SAP30BP: variants seen among roughly 807,000 people sequenced by gnomAD.
The protein encoded by SAP30BP is SAP30-binding protein.
In SAP30BP, 31 loss-of-function variants were observed where a neutral mutation model predicts 46.3. The observed-to-expected ratio is 0.67, with a 90% CI of 0.50 to 0.90. The LOEUF (loss-of-function observed/expected upper bound fraction) is 0.90. Among genes scored for constraint, SAP30BP ranks in the 40% least tolerant of loss-of-function variants. SAP30BP has a pLI of 0.00. For missense variants in SAP30BP, 312 were observed against 391.0 expected (o/e 0.80, Z 1.70); for synonymous variants, 169 against 144.2 (o/e 1.17, Z -1.23).
chr17:75,690,212 G>T (rs2060221728), intron 3 of SAP30BP, among the ~76,000 whole-genome samples: 1 of 152,088 alleles, frequency 6.6e-6, no homozygotes, highest in African/African-American at 2.4e-5. Flanking sequence ...TGGGTGCTTG[G>T]TCCATTTTTC....
At chr17:75,682,961 C>CAAA (rs770262344) in intron 3 of SAP30BP, among the ~76,000 whole-genome samples, 1 of 64,110 alleles carries the variant, frequency 1.6e-5, no homozygotes, top group Non-Finnish European at 3.1e-5. Flanking sequence ...GACTTCGTCT[C>CAAA]AAAAAAAAAA....
chr17:75,686,280 G>A (rs1319119572), intron 3 of SAP30BP, among the ~76,000 whole-genome samples: 1 of 152,040 alleles, frequency 6.6e-6, no homozygotes, highest in African/African-American at 2.4e-5. Flanking sequence ...CACTTTGGGA[G>A]GCTGAGGCAG....
At chr17:75,691,422 C>G (rs1172441768) in intron 3 of SAP30BP, 2 of 456,604 alleles carry the variant, frequency 4.4e-6, no homozygotes, top group African/African-American at 4.0e-5. Flanking sequence ...TCAGCTGAGC[C>G]TGGCAGCACA....
At chr17:75,689,722 AC>A (rs1296971505) in intron 3 of SAP30BP, among the ~76,000 whole-genome samples, 2 of 152,030 alleles carry the variant, frequency 1.3e-5, no homozygotes, top group East Asian at 3.8e-4. Flanking sequence ...GCATTTCAAA[AC>A]GCTGCTGGCG....
chr17:75,675,505 G>C (rs1227658844), intron 3 of SAP30BP, among the ~76,000 whole-genome samples: 1 of 152,000 alleles, frequency 6.6e-6, no homozygotes, highest in Non-Finnish European at 1.5e-5. Context: ...AAAACATTTA[G>C]GTTTCTTTAC....
At chr17:75,671,548 G>A (rs1278826496) in intron 2 of SAP30BP, among the ~76,000 whole-genome samples, 1 of 152,142 alleles carries the variant, frequency 6.6e-6, no homozygotes, top group Non-Finnish European at 1.5e-5. Context: ...TTGAACTCGG[G>A]CATCTTCATT....
At chr17:75,676,427 CAAT>C (rs1301529321) in intron 3 of SAP30BP, among the ~76,000 whole-genome samples, 1 of 152,206 alleles carries the variant, frequency 6.6e-6, no homozygotes, top group Non-Finnish European at 1.5e-5. Context: ...AGCAAGCCCA[CAAT>C]AAGGAGCAAT....
intron 3 of SAP30BP, among the ~76,000 whole-genome samples, chr17:75,685,537 A>G (rs1408660371): frequency 6.6e-6 from 1 of 152,114 alleles, no homozygotes; most frequent in Non-Finnish European, 1.5e-5. Flanking sequence ...GACTGCGAGT[A>G]TATTTGCCTG....
intron 4 of SAP30BP, among the ~76,000 whole-genome samples, chr17:75,694,865 CT>C (rs1386577283): frequency 6.6e-6 from 1 of 152,236 alleles, no homozygotes. Flanking sequence ...CAACTTGTCA[CT>C]TTTTCTCCCT....
At chr17:75,686,135 C>T (rs2060152689) in intron 3 of SAP30BP, among the ~76,000 whole-genome samples, 1 of 152,176 alleles carries the variant, frequency 6.6e-6, no homozygotes, top group African/African-American at 2.4e-5. Flanking sequence ...CTTCCTCCTC[C>T]CTACCTTGTC....
Position 75,682,326 on chromosome 17 carries a change from A to G in SAP30BP, c.264+10463A>G, listed in dbSNP as rs1391574911. On this transcript the variant is annotated intron_variant, in intron 3 of 10. Transcript: ENST00000584667. ...CAGCCTCTCGAGTAGCTGGGATTAC[A>G]GGTGTGCACCACCACACCCGGCTAA... Among the ~76,000 whole-genome samples the G allele has an allele frequency of 2.0e-5, 3 of 151,882 alleles. No individual in the cohort carries two copies. In the East Asian group the frequency reaches 5.8e-4, roughly 30 times the overall value.
At chr17:75,681,970 G>A (rs1351774822) in intron 3 of SAP30BP, among the ~76,000 whole-genome samples, 2 of 152,030 alleles carry the variant, frequency 1.3e-5, no homozygotes, top group Non-Finnish European at 2.9e-5. Context: ...GGCGAGCCCT[G>A]ACAACTGAGA....
intron 3 of SAP30BP, among the ~76,000 whole-genome samples, chr17:75,690,081 A>G (rs776259474): frequency 2.6e-5 from 4 of 152,218 alleles, no homozygotes; most frequent in Non-Finnish European, 4.4e-5. Flanking sequence ...TAATATATCC[A>G]TGTAACAGAC....
At position 75,667,352 on chromosome 17, in the gene SAP30BP, C is replaced by T; in HGVS notation, c.-21C>T. 1 of 1,612,034 alleles carries T rather than the reference C, an allele frequency of 6.2e-7. No individual in the cohort carries two copies. The highest frequency in any genetic ancestry group is 1.1e-5 in the South Asian group (1 of 90,998). ...CGTCTTGAGTCATAGGAGTGAGCCA[C>T]GCCCGGGCTGTGGGAATAAGATGGC... On this transcript the variant is annotated 5_prime_UTR_variant, in exon 1 of 11. The change creates a new upstream start codon in the 5' untranslated region. Coordinates refer to ENST00000584667, the MANE Select transcript of SAP30BP (RefSeq NM_013260.8).
chr17:75,694,447 C>T (rs2060285107), intron 4 of SAP30BP, among the ~76,000 whole-genome samples: 1 of 152,232 alleles, frequency 6.6e-6, no homozygotes, highest in Admixed American at 6.5e-5. Flanking sequence ...AGACCCTCAG[C>T]AGGAGGGCCT....
intron 4 of SAP30BP, among the ~76,000 whole-genome samples, chr17:75,699,470 G>T (rs2060372833): frequency 6.6e-6 from 1 of 151,326 alleles, no homozygotes; most frequent in Admixed American, 6.6e-5. Context: ...GGGAGTATAG[G>T]CGTGAGCCAC....
intron 3 of SAP30BP, among the ~76,000 whole-genome samples, chr17:75,673,283 C>T (rs2059933941): frequency 6.6e-6 from 1 of 152,174 alleles, no homozygotes; most frequent in African/African-American, 2.4e-5. Context: ...AGTGAAAAAC[C>T]TGGAACCCAG....
chr17:75,699,902 A>T, intron 5 of SAP30BP, 31 bp downstream of exon 5: 1 of 1,465,494 alleles, frequency 6.8e-7, no homozygotes, highest in Non-Finnish European at 9.6e-7. Context: ...CTGAGGTCGG[A>T]TAGATTAGAT....
chr17:75,676,460 G>A (rs2059991829), intron 3 of SAP30BP, among the ~76,000 whole-genome samples: 1 of 152,202 alleles, frequency 6.6e-6, no homozygotes, highest in African/African-American at 2.4e-5. Context: ...AAGATAATGT[G>A]TTTCTAATAA....
Sources: allele counts gnomAD v4.1 joint callset (sites outside exome capture counted in the v4.1 genomes callset), GRCh38; gene constraint gnomAD v4.1.1; transcripts MANE v1.5; gene names NCBI Gene and HGNC (gene_info 2026-07-23, HGNC 2026-07-21).